SIPA1L2: variants seen among roughly 807,000 people sequenced by gnomAD.
The protein encoded by SIPA1L2 is signal induced proliferation associated 1 like 2.
In SIPA1L2, 56 loss-of-function variants were observed where a neutral mutation model predicts 163.9. That is an observed-to-expected ratio of 0.34 (90% CI 0.28 to 0.43). The LOEUF (loss-of-function observed/expected upper bound fraction) is 0.43, where lower values mean the gene tolerates loss of function less well. Ranked by LOEUF, SIPA1L2 falls within the 20% of genes least tolerant of loss-of-function variation. SIPA1L2 has a pLI of 1.00. For synonymous variants in SIPA1L2, 877 were observed against 865.7 expected (o/e 1.01, Z -0.23); for missense variants, 1,974 against 2,193.5 (o/e 0.90, Z 2.00).
At chr1:232,572,708 T>TATATACATAC (rs1659816205) in intron 2 of SIPA1L2, among the ~76,000 whole-genome samples, 1 of 71,966 alleles carries the variant, frequency 1.4e-5, no homozygotes, top group African/African-American at 5.3e-5. Flanking sequence ...TATATATATA[T>TATATACATAC]ATATATATAC....
chr1:232,534,018 T>C (rs1657148668), intron 2 of SIPA1L2, among the ~76,000 whole-genome samples: 1 of 151,982 alleles, frequency 6.6e-6, no homozygotes, highest in Non-Finnish European at 1.5e-5. Context: ...TAAGGTTTTG[T>C]TGAAATAGAA....
chr1:232,569,854 A>G (rs1659617993), intron 2 of SIPA1L2, among the ~76,000 whole-genome samples: 1 of 152,164 alleles, frequency 6.6e-6, no homozygotes. Flanking sequence ...GATCCTCTAA[A>G]GATCCATTCA....
chr1:232,579,587 T>C (rs184729796), intron 1 of SIPA1L2, among the ~76,000 whole-genome samples: 22 of 152,312 alleles, frequency 1.4e-4, no homozygotes, highest in Non-Finnish European at 3.1e-4. Flanking sequence ...ATCCATAGAA[T>C]AGGTTGAACC....
intron 10 of SIPA1L2, among the ~76,000 whole-genome samples, chr1:232,447,389 T>C (rs1408188553): frequency 1.3e-5 from 2 of 152,204 alleles, no homozygotes; most frequent in Non-Finnish European, 2.9e-5. Context: ...CTCCTGGCAA[T>C]CGTATCTCCC....
chr1:232,523,354 C>T (rs937159759), intron 2 of SIPA1L2, among the ~76,000 whole-genome samples: 6 of 152,186 alleles, frequency 3.9e-5, no homozygotes, highest in African/African-American at 1.4e-4. Flanking sequence ...AGATAGCCCT[C>T]ACCTCCTTCT....
At chr1:232,501,081 A>ACC (rs1328609615) in intron 3 of SIPA1L2, among the ~76,000 whole-genome samples, 5 of 24,646 alleles carry the variant, frequency 2.0e-4, no homozygotes, top group African/African-American at 6.3e-4. Context: ...TTTGTGAGAC[A>ACC]GAGTCTCGCT....
Position 232,403,397 on chromosome 1 carries a change from C to T in SIPA1L2, c.4940+51G>A, listed in dbSNP as rs1166508916. The T allele has an allele frequency of 2.5e-6, 4 of 1,587,874 alleles. No homozygotes were observed. In the African/African-American group the frequency reaches 4.0e-5, roughly 16 times the overall value. On this transcript the variant is annotated intron_variant, in intron 21 of 22. Coordinates refer to ENST00000674635, the MANE Select transcript of SIPA1L2 (RefSeq NM_020808.5). The stretch of plus-strand genomic sequence containing the variant: ...GGTTAGTCGGTTAGCCGAATCTTGG[C>T]TAATCATGCCTGGAACAGCAGGAGG...
intron 1 of SIPA1L2, among the ~76,000 whole-genome samples, chr1:232,584,593 A>G (rs1660555936): frequency 6.6e-6 from 1 of 152,238 alleles, no homozygotes; most frequent in Admixed American, 6.5e-5. Context: ...TGATATAAAA[A>G]TGTGATCAAA....
intron 19 of SIPA1L2, among the ~76,000 whole-genome samples, chr1:232,407,426 A>G (rs543706242): frequency 5.3e-5 from 8 of 152,370 alleles, no homozygotes; most frequent in Admixed American, 2.6e-4. Flanking sequence ...TTCATAACAG[A>G]AAAAGTTCTC....
intron 14 of SIPA1L2, 40 bp from the exon 15 acceptor site, chr1:232,439,536 T>C (rs760645099): frequency 6.3e-7 from 1 of 1,576,192 alleles, no homozygotes; most frequent in Non-Finnish European, 8.6e-7. Context: ...CAAGTGAATC[T>C]TGAACTCAGG....
chr1:232,549,023 A>G (rs1658223909), intron 2 of SIPA1L2, among the ~76,000 whole-genome samples: 1 of 152,234 alleles, frequency 6.6e-6, no homozygotes, highest in Non-Finnish European at 1.5e-5. Context: ...GGATTCTGCA[A>G]GAAATAACCT....
chr1:232,399,303 G>C, intron 22 of SIPA1L2, 30 bp from the exon 23 acceptor site: 1 of 1,606,282 alleles, frequency 6.2e-7, no homozygotes, highest in East Asian at 2.2e-5. Flanking sequence ...ACTGAGTCAT[G>C]GAGACTGATC....
intron 2 of SIPA1L2, among the ~76,000 whole-genome samples, chr1:232,531,786 T>C (rs770665673): frequency 1.4e-4 from 22 of 152,008 alleles, no homozygotes; most frequent in Non-Finnish European, 3.1e-4. Flanking sequence ...GGTGCCGGTA[T>C]GGGCGTTAAC....
chr1:232,564,850 G>A (rs1032129540), intron 2 of SIPA1L2, among the ~76,000 whole-genome samples: 39 of 151,988 alleles, frequency 2.6e-4, no homozygotes, highest in Non-Finnish European at 2.9e-5. Context: ...CCTGAACAAC[G>A]AGAACACATG....
At chr1:232,494,620 A>G (rs1051171733) in intron 3 of SIPA1L2, among the ~76,000 whole-genome samples, 3 of 152,238 alleles carry the variant, frequency 2.0e-5, no homozygotes, top group Non-Finnish European at 4.4e-5. Context: ...GAGCTCTGTT[A>G]AAAGCAGCCA....
Position 232,398,262 on chromosome 1 carries a change from C to T in SIPA1L2, c.*865G>A, listed in dbSNP as rs1012332306. ...AATACAAGACACTTCATCAAAGCTT[C>T]TGTACAAAGATAAACAAATCTGGCA... On this transcript the variant is annotated 3_prime_UTR_variant, in exon 23 of 23. Transcript: ENST00000674635. 6.6e-6 allele frequency: 1 copy of T among 152,586 alleles called. No individual in the cohort carries two copies. Among genetic ancestry groups the T allele is most frequent in the African/African-American group, 2.4e-5 (1 of 41,436 alleles). The allele number at this position is 152,586 out of a possible 1,614,324, so 9.5% of individuals were successfully genotyped here.
At chr1:232,407,693 C>G (rs1660721864) in intron 19 of SIPA1L2, among the ~76,000 whole-genome samples, 1 of 152,182 alleles carries the variant, frequency 6.6e-6, no homozygotes, top group South Asian at 2.1e-4. Flanking sequence ...CTGGGGAAGT[C>G]TGGAAACCTA....
At chr1:232,612,270 G>T (rs973730770) in intron 1 of SIPA1L2, among the ~76,000 whole-genome samples, 1 of 152,232 alleles carries the variant, frequency 6.6e-6, no homozygotes, top group Admixed American at 6.5e-5. Flanking sequence ...GGAAATGTGT[G>T]GTGGAGTCCC....
chr1:232,618,036 G>T lies in SIPA1L2; in HGVS notation c.-319+11833C>A, dbSNP rs563723822. 3.9e-5 allele frequency among the ~76,000 whole-genome samples: 6 copies of T among 152,286 alleles called. No individual in the cohort carries two copies. In the South Asian group the frequency reaches 1.2e-3, roughly 32 times the overall value. On this transcript the variant is annotated intron_variant, in intron 1 of 22. Transcript: ENST00000674635. The stretch of plus-strand genomic sequence containing the variant: ...GACCTAACAACTGTGGGATCCAGGA[G>T]GTGGGTACAGAGGTGTCCACTACAC...
Sources: gnomAD v4.1 joint callset for allele counts (sites outside exome capture counted in the v4.1 genomes callset) on GRCh38, gnomAD v4.1.1 for gene constraint, MANE v1.5 for transcripts, NCBI Gene and HGNC (gene_info 2026-07-23, HGNC 2026-07-21) for gene names.